The following KHDRBS2 variants were observed in gnomAD, a reference collection of about 807,000 sequenced individuals.
KHDRBS2 encodes the protein KH domain-containing, RNA-binding, signal transduction-associated protein 2.
KHDRBS2 carries 26 observed loss-of-function variants against 44.3 expected under a neutral mutation model. The observed-to-expected ratio is 0.59, with a 90% confidence interval of 0.43 to 0.81. The LOEUF is 0.81. Among genes scored for constraint, KHDRBS2 ranks in the 40% least tolerant of loss-of-function variants. KHDRBS2 has a pLI of 0.00. For missense variants in KHDRBS2, 476 were observed against 433.1 expected (o/e 1.10, Z -0.88); for synonymous variants, 194 against 151.1 (o/e 1.28, Z -2.08).
chr6:62,047,889 C>T lies in KHDRBS2; in HGVS notation c.325G>A (p.Asp109Asn), dbSNP rs749368602. 6 of 1,601,598 alleles carry T rather than the reference C, an allele frequency of 3.7e-6. No homozygotes were observed. The highest frequency in any genetic ancestry group is 1.7e-6 in the Non-Finnish European group (2 of 1,169,214). Residue 109 changes from aspartate (D) to asparagine (N), a missense_variant, in exon 3 of 9, where the codon GAT becomes AAT. Physicochemically the swap from Asp to Asn is conservative, Grantham distance 23 (BLOSUM62 1). Coordinates refer to ENST00000281156, the MANE Select transcript of KHDRBS2 (RefSeq NM_152688.4). ...MSILGKGSMRDKAKEEELRKS... is the reference protein window; with the variant it reads ...MSILGKGSMRNKAKEEELRKS... ...TCAAAGTTCAGTACCTTAGCTTTAT[C>T]TCTCATTGATCCTTTGCCCAGGATA...
intron 6 of KHDRBS2, among the ~76,000 whole-genome samples, chr6:61,857,151 T>C (rs1362113089): frequency 6.6e-6 from 1 of 152,100 alleles, no homozygotes; most frequent in African/African-American, 2.4e-5. Context: ...GAGGTCCTTT[T>C]CTTTTCTTTT....
intron 1 of KHDRBS2, among the ~76,000 whole-genome samples, chr6:62,194,809 C>G: frequency 6.6e-6 from 1 of 151,778 alleles, no homozygotes; most frequent in Non-Finnish European, 1.5e-5. Flanking sequence ...ACCCGGCCTA[C>G]AATTTCTTTA....
chr6:61,875,924 T>C (rs1261753949), intron 6 of KHDRBS2, among the ~76,000 whole-genome samples: 1 of 152,080 alleles, frequency 6.6e-6, no homozygotes, highest in Non-Finnish European at 1.5e-5. Flanking sequence ...CTTGGGTTTT[T>C]GTTTTCCTGC....
rs531927678 is a variant in KHDRBS2 at position 61,980,809 on chromosome 6, T to C, written c.337-2597A>G. The stretch of plus-strand genomic sequence containing the variant: ...GACAGAGGACTGACTTTACAAATAT[T>C]CTTTTCTGATTAGCTATTGCAGAAC... On this transcript the variant is annotated intron_variant, in intron 3 of 8. Coordinates refer to ENST00000281156, the MANE Select transcript of KHDRBS2 (RefSeq NM_152688.4). 1.8e-4 allele frequency among the ~76,000 whole-genome samples: 27 copies of C among 152,290 alleles called. No individual in the cohort carries two copies. The South Asian group carries it at 5.6e-3, about 32-fold the overall frequency.
intron 2 of KHDRBS2, among the ~76,000 whole-genome samples, chr6:62,170,967 A>AT (rs397710461): frequency 2.6e-4 from 39 of 151,096 alleles, no homozygotes; most frequent in Admixed American, 9.9e-4. Context: ...AAAAAAAAAA[A>AT]CCAACCAAAG....
chr6:61,915,762 G>A (rs1462444361), intron 4 of KHDRBS2, among the ~76,000 whole-genome samples: 2 of 151,994 alleles, frequency 1.3e-5, no homozygotes, highest in African/African-American at 2.4e-5. Context: ...TTATGCTTTG[G>A]TTTGTTGTAT....
At chr6:61,596,851 C>T in the KHDRBS2 span, among the ~76,000 whole-genome samples, 1 of 152,042 alleles carries the variant, frequency 6.6e-6, no homozygotes, top group African/African-American at 2.4e-5. Flanking sequence ...GGAGTTTCCC[C>T]ATGTTGGCCA....
chr6:61,934,382 T>A (rs1810648434), intron 4 of KHDRBS2, among the ~76,000 whole-genome samples: 1 of 152,168 alleles, frequency 6.6e-6, no homozygotes, highest in Non-Finnish European at 1.5e-5. Context: ...CCCAGACCAA[T>A]GTCATGAAGC....
intron 4 of KHDRBS2, among the ~76,000 whole-genome samples, chr6:61,916,848 T>C (rs906193816): frequency 1.6e-4 from 25 of 151,776 alleles, no homozygotes; most frequent in Admixed American, 6.6e-4. Context: ...TCATATGTCA[T>C]TAGGGAATTT....
intron 6 of KHDRBS2, among the ~76,000 whole-genome samples, chr6:61,846,603 G>A (rs1040946757): frequency 3.3e-5 from 5 of 152,184 alleles, no homozygotes; most frequent in Admixed American, 1.3e-4. Context: ...TAAATGATTT[G>A]CAAATACAAA....
chr6:61,604,677 C>A, the KHDRBS2 span, among the ~76,000 whole-genome samples: 105 of 152,032 alleles, frequency 6.9e-4, no homozygotes, highest in South Asian at 1.0e-3. Context: ...TTCAGGCCCC[C>A]TCCTTTCCCT....
intron 2 of KHDRBS2, among the ~76,000 whole-genome samples, chr6:62,117,138 G>T (rs944220130): frequency 6.6e-6 from 1 of 151,996 alleles, no homozygotes; most frequent in Admixed American, 6.6e-5. Flanking sequence ...AGATCATATG[G>T]TAAATCTAGT....
chr6:61,703,572 G>A (rs1769019904), intron 7 of KHDRBS2, among the ~76,000 whole-genome samples: 1 of 151,722 alleles, frequency 6.6e-6, no homozygotes, highest in Non-Finnish European at 1.5e-5. Flanking sequence ...TTTTCAGCCA[G>A]GTCCCCATCC....
At chr6:61,545,929 G>C in the KHDRBS2 span, among the ~76,000 whole-genome samples, 1 of 152,082 alleles carries the variant, frequency 6.6e-6, no homozygotes, top group Non-Finnish European at 1.5e-5. Context: ...TCACCAGAAA[G>C]ACGCATCGCT....
chr6:61,888,433 T>A (rs1461459369), intron 6 of KHDRBS2, among the ~76,000 whole-genome samples: 1 of 152,112 alleles, frequency 6.6e-6, no homozygotes, highest in African/African-American at 2.4e-5. Flanking sequence ...GGTATTGTAC[T>A]ATATGTAAGT....
At chr6:61,835,756 TGAGAGAGA>T (rs376717084) in intron 6 of KHDRBS2, among the ~76,000 whole-genome samples, 1 of 143,936 alleles carries the variant, frequency 6.9e-6, no homozygotes, top group Non-Finnish European at 1.5e-5. Flanking sequence ...AGAGAAAGAT[TGAGAGAGA>T]GAGAGAGAGA....
At chr6:62,215,737 G>T (rs577542) in intron 1 of KHDRBS2, among the ~76,000 whole-genome samples, 1 of 151,290 alleles carries the variant, frequency 6.6e-6, no homozygotes, top group South Asian at 2.1e-4. Context: ...TGATCAGCCC[G>T]ATTATGAAAT....
rs754664122 is a variant in KHDRBS2 at position 62,051,465 on chromosome 6, TTTCCTCA to T, written c.220-3478_220-3472del. Among the ~76,000 whole-genome samples, 238 of 152,152 alleles carry T rather than the reference TTTCCTCA, an allele frequency of 1.6e-3. 1 individual carries two copies. Among genetic ancestry groups the T allele is most frequent in the Non-Finnish European group, 2.6e-3 (180 of 67,966 alleles). ...GCACAATTTATTGCAAAGATTATCC[TTTCCTCA>T]TTGTGTTCTATTGGTGCCCTTATAA... On this transcript the variant is annotated intron_variant, in intron 2 of 8. Coordinates refer to ENST00000281156, the MANE Select transcript of KHDRBS2 (RefSeq NM_152688.4).
At chr6:62,179,402 G>C (rs1210873741) in intron 1 of KHDRBS2, among the ~76,000 whole-genome samples, 1 of 151,630 alleles carries the variant, frequency 6.6e-6, no homozygotes, top group Non-Finnish European at 1.5e-5. Flanking sequence ...TTAACTAACT[G>C]ACTTGTTAAA....
Sources: allele counts gnomAD v4.1 joint callset (sites outside exome capture counted in the v4.1 genomes callset), GRCh38; gene constraint gnomAD v4.1.1; transcripts MANE v1.5; gene names NCBI Gene and HGNC (gene_info 2026-07-23, HGNC 2026-07-21).